Variants in AGBL4 observed in about 807,000 individuals in gnomAD.
The protein encoded by AGBL4 is AGBL carboxypeptidase 4.
Under a neutral mutation model 66.4 loss-of-function variants are expected in AGBL4, and 58 were observed. That is an observed-to-expected ratio of 0.87 (90% CI 0.71 to 1.09). AGBL4 has a LOEUF of 1.09. Among genes scored for constraint, AGBL4 ranks in the 50% least tolerant of loss-of-function variants. The probability of loss-of-function intolerance (pLI) is 0.00; values close to 1 mark genes in which losing one functional copy is unlikely to be tolerated. For missense variants in AGBL4, 579 were observed against 631.0 expected, an observed-to-expected ratio of 0.92 and a Z score of 0.88; for synonymous variants, 234 against 222.9, an observed-to-expected ratio of 1.05 and a Z score of -0.44.
intron 6 of AGBL4, among the ~76,000 whole-genome samples, chr1:48,789,478 A>G (rs1275884392): frequency 6.6e-6 from 1 of 151,876 alleles, no homozygotes; most frequent in African/African-American, 2.4e-5. Context: ...TTTAGTAGAG[A>G]CAGGGTTTCA....
chr1:48,829,853 T>G (rs1056053289), intron 6 of AGBL4, among the ~76,000 whole-genome samples: 1 of 152,180 alleles, frequency 6.6e-6, no homozygotes, highest in Non-Finnish European at 1.5e-5. Context: ...GATTTCTAAA[T>G]TCCACCAGCT....
At chr1:49,824,133 C>T (rs576829082) in intron 2 of AGBL4, among the ~76,000 whole-genome samples, 12 of 152,018 alleles carry the variant, frequency 7.9e-5, no homozygotes, top group Non-Finnish European at 1.5e-4. Context: ...CGCTTGAACC[C>T]GGGAGGCAGA....
intron 6 of AGBL4, among the ~76,000 whole-genome samples, chr1:48,750,479 C>T (rs1342133865): frequency 6.6e-6 from 1 of 152,150 alleles, no homozygotes; most frequent in African/African-American, 2.4e-5. Context: ...ACTCTCCTAC[C>T]CCAGCCATGT....
chr1:49,270,600 C>A (rs1215495484), intron 3 of AGBL4, among the ~76,000 whole-genome samples: 5 of 152,098 alleles, frequency 3.3e-5, no homozygotes, highest in Admixed American at 6.6e-5. Context: ...GTGACAAGAT[C>A]CTTTTGCCTA....
At chr1:49,842,590 C>G (rs577206145) in intron 2 of AGBL4, among the ~76,000 whole-genome samples, 2 of 152,278 alleles carry the variant, frequency 1.3e-5, no homozygotes, top group South Asian at 4.1e-4. Context: ...CTCATCTCCA[C>G]TGAATTTACA....
intron 5 of AGBL4, among the ~76,000 whole-genome samples, chr1:48,868,503 G>A (rs1190955274): frequency 3.3e-5 from 5 of 152,164 alleles, no homozygotes; most frequent in Admixed American, 2.6e-4. Context: ...TTAAATGGCA[G>A]GGTCAGGATT....
chr1:49,286,892 C>A (rs1434723675), intron 3 of AGBL4, among the ~76,000 whole-genome samples: 1 of 152,052 alleles, frequency 6.6e-6, no homozygotes, highest in East Asian at 1.9e-4. Flanking sequence ...CAAAAAAGAG[C>A]CCGCATCGCC....
intron 6 of AGBL4, among the ~76,000 whole-genome samples, chr1:48,851,986 C>A (rs7530277): frequency 0.31 from 43,992 of 142,410 alleles, 7,544 homozygotes; most frequent in East Asian, 0.7. Context: ...ATGAGCATTT[C>A]CAAGGTTCTG....
intron 2 of AGBL4, among the ~76,000 whole-genome samples, chr1:49,754,894 C>G (rs1651775929): frequency 6.6e-6 from 1 of 152,124 alleles, no homozygotes; most frequent in South Asian, 2.1e-4. Flanking sequence ...TTAATGTTGC[C>G]CCTTGAATCT....
chr1:49,149,443 T>C (rs1053659775), intron 4 of AGBL4, among the ~76,000 whole-genome samples: 2 of 152,158 alleles, frequency 1.3e-5, no homozygotes, highest in African/African-American at 4.8e-5. Context: ...GATGGTGGTA[T>C]GTGAAAGGCA....
intron 4 of AGBL4, among the ~76,000 whole-genome samples, chr1:49,164,660 G>A (rs954661273): frequency 6.6e-6 from 1 of 152,118 alleles, no homozygotes; most frequent in African/African-American, 2.4e-5. Flanking sequence ...GTTAGGAAAG[G>A]TATAACCTCA....
At position 49,697,337 on chromosome 1, in the gene AGBL4, A is replaced by G; in HGVS notation, c.258T>C (p.Thr86=). ...NPRFRVWFNF[T]VENVKESQRV... Reference sequence around the variant, plus strand: ...CCTGTGATTCTTTCACATTTTCAACAGTAAAGTTGAACCAGACTCGGAAGC... The same window carrying G: ...CCTGTGATTCTTTCACATTTTCAACGGTAAAGTTGAACCAGACTCGGAAGC... The change falls in exon 3 of 14, where the codon ACT becomes ACC. Residue 86 remains threonine, a synonymous_variant. Transcript: ENST00000371839. 6.5e-7 allele frequency: 1 copy of G among 1,547,184 alleles called. No homozygotes were observed.
intron 4 of AGBL4, among the ~76,000 whole-genome samples, chr1:49,147,412 TGA>T (rs375695478): frequency 6.6e-6 from 1 of 151,982 alleles, no homozygotes; most frequent in African/African-American, 2.4e-5. Context: ...CATGTCAGCT[TGA>T]GAGAGAGAGA....
At position 49,017,045 on chromosome 1, in the gene AGBL4, T is replaced by G. The variant is rs887458633; in HGVS notation, c.594+28539A>C. Among the ~76,000 whole-genome samples the G allele has an allele frequency of 6.6e-5, 10 of 152,170 alleles. No individual in the cohort carries two copies. The East Asian group carries it at 1.9e-3, about 29-fold the overall frequency. ...CCCTTTAATGAAAAACAGCTACCAC[T>G]GGTGTAGACATAGAAGGACAGGAAG... On this transcript the variant is annotated intron_variant, in intron 5 of 13. Coordinates refer to ENST00000371839, the MANE Select transcript of AGBL4 (RefSeq NM_032785.4).
intron 6 of AGBL4, among the ~76,000 whole-genome samples, chr1:48,732,576 CCTCTCTCAGTGA>C (rs903800843): frequency 3.3e-5 from 5 of 152,184 alleles, no homozygotes; most frequent in Admixed American, 2.0e-4. Context: ...GCTGGGGAGG[CCTCTCTCAGTGA>C]CAGGGAGGGA....
At chr1:49,307,098 T>C (rs911836353) in intron 3 of AGBL4, among the ~76,000 whole-genome samples, 2 of 152,194 alleles carry the variant, frequency 1.3e-5, no homozygotes, top group Non-Finnish European at 2.9e-5. Flanking sequence ...GAAAAATTTA[T>C]CTGGAAAGTG....
chr1:48,552,042 G>A (rs894006823), intron 11 of AGBL4, among the ~76,000 whole-genome samples: 1 of 152,116 alleles, frequency 6.6e-6, no homozygotes, highest in African/African-American at 2.4e-5. Flanking sequence ...TCATTCACTT[G>A]TTCATTCATT....
rs902077651 is a variant in AGBL4 at position 49,819,126 on chromosome 1, A to T, written c.157+32270T>A. Among the ~76,000 whole-genome samples the T allele has an allele frequency of 4.6e-5, 7 of 152,284 alleles. No individual in the cohort carries two copies. In the East Asian group the frequency reaches 1.4e-3, roughly 29 times the overall value. The stretch of plus-strand genomic sequence containing the variant: ...TCCTGGAATATAATAGATGATCAAT[A>T]CTTCTCTGGCCATATTTATTCTGTT... On this transcript the variant is annotated intron_variant, in intron 2 of 13. Coordinates refer to ENST00000371839, the MANE Select transcript of AGBL4 (RefSeq NM_032785.4).
At chr1:49,914,678 A>G (rs1382872302) in intron 1 of AGBL4, among the ~76,000 whole-genome samples, 1 of 152,184 alleles carries the variant, frequency 6.6e-6, no homozygotes, top group Non-Finnish European at 1.5e-5. Context: ...ATTTGTGATG[A>G]CAACAGCCTG....
Sources: allele counts gnomAD v4.1 joint callset (sites outside exome capture counted in the v4.1 genomes callset), GRCh38; gene constraint gnomAD v4.1.1; transcripts MANE v1.5; gene names NCBI Gene and HGNC (gene_info 2026-07-23, HGNC 2026-07-21).